CAMTA1: variants seen among roughly 807,000 people sequenced by gnomAD.
The protein encoded by CAMTA1 is calmodulin-binding transcription activator 1.
CAMTA1 carries 27 observed loss-of-function variants against 170.9 expected under a neutral mutation model. The ratio of observed to expected loss-of-function variants is 0.16; its 90% CI spans 0.12 to 0.22. The LOEUF (loss-of-function observed/expected upper bound fraction) is 0.22, where lower values mean the gene tolerates loss of function less well. Ranked by LOEUF, CAMTA1 falls within the 10% of genes least tolerant of loss-of-function variation. The probability of loss-of-function intolerance (pLI) is 1.00; values close to 1 mark genes in which losing one functional copy is unlikely to be tolerated. For synonymous variants in CAMTA1, 833 were observed against 891.5 expected (o/e 0.93, Z 1.17); for missense variants, 1,619 against 2,217.2 (o/e 0.73, Z 5.42).
intron 4 of CAMTA1, among the ~76,000 whole-genome samples, chr1:7,161,642 C>T (rs912179936): frequency 6.6e-6 from 1 of 152,230 alleles, no homozygotes; most frequent in Non-Finnish European, 1.5e-5. Context: ...TTGCCTTTCA[C>T]CTTCTGTCAT....
chr1:6,886,442 C>CAT (rs1396201086), intron 3 of CAMTA1: 1 of 370,428 alleles, frequency 2.7e-6, no homozygotes, highest in East Asian at 7.2e-5. Flanking sequence ...GGAAATAGGC[C>CAT]ATAAATGTCA....
chr1:7,177,475 C>T lies in CAMTA1; in HGVS notation c.303-72016C>T, dbSNP rs554130273. 4.1e-5 allele frequency among the ~76,000 whole-genome samples: 6 copies of T among 146,464 alleles called. No individual in the cohort carries two copies. In the South Asian group the frequency reaches 1.1e-3, roughly 27 times the overall value. The stretch of plus-strand genomic sequence containing the variant: ...GGCCCCTCCCACACCCTGAGGCCCC[C>T]CCACACACACTGAAGCCCCTCCCAC... On this transcript the variant is annotated intron_variant, in intron 4 of 22. Transcript: ENST00000303635.
In CAMTA1 at chr1:7,064,068, T is replaced by C. The variant is rs1038334728; in HGVS notation, c.235-27236T>C. Among the ~76,000 whole-genome samples, 3 of 151,480 alleles carry C rather than the reference T, an allele frequency of 2.0e-5. No homozygotes were observed. The highest frequency in any genetic ancestry group is 7.3e-5 in the African/African-American group (3 of 41,174). Reference sequence around the variant, plus strand: ...ATGGTGGGAGCCTTTGCCTTCACCTTCTCCTCCTCCTCCTCCTCCTTCTTC... The same window carrying C: ...ATGGTGGGAGCCTTTGCCTTCACCTCCTCCTCCTCCTCCTCCTCCTTCTTC... On this transcript the variant is annotated intron_variant, in intron 3 of 22. Coordinates refer to ENST00000303635, the MANE Select transcript of CAMTA1 (RefSeq NM_015215.4). This position sits in a 1 kb window ranked among gnomAD's most constrained non-coding sequence, Gnocchi z 5.4.
chr1:7,576,300 G>A (rs12063837), intron 6 of CAMTA1, among the ~76,000 whole-genome samples: 22,246 of 152,098 alleles, frequency 0.15, 5,287 homozygotes, highest in African/African-American at 0.5. Context: ...GTGAACCACC[G>A]TGCCAGGCCA....
At chr1:7,122,253 T>C (rs1448929575) in intron 4 of CAMTA1, among the ~76,000 whole-genome samples, 1 of 152,082 alleles carries the variant, frequency 6.6e-6, no homozygotes, top group East Asian at 1.9e-4. Flanking sequence ...GTCTTCCTCT[T>C]GCCCCCGCCT....
At chr1:7,727,713 G>A (rs982443168) in intron 11 of CAMTA1, among the ~76,000 whole-genome samples, 1 of 152,186 alleles carries the variant, frequency 6.6e-6, no homozygotes, top group African/African-American at 2.4e-5. Flanking sequence ...CTCTCAATTT[G>A]CCAAATATTT....
intron 22 of CAMTA1, among the ~76,000 whole-genome samples, chr1:7,758,763 G>A (rs566610831): frequency 6.6e-6 from 1 of 151,972 alleles, no homozygotes; most frequent in East Asian, 1.9e-4. Flanking sequence ...GTGAAACCCC[G>A]TCTCTACTGA....
intron 3 of CAMTA1, among the ~76,000 whole-genome samples, chr1:6,951,393 A>G (rs572098140): frequency 6.6e-6 from 1 of 152,206 alleles, no homozygotes; most frequent in Non-Finnish European, 1.5e-5. Flanking sequence ...ACTATTCCAT[A>G]TCTCACAGGG....
intron 3 of CAMTA1, among the ~76,000 whole-genome samples, chr1:7,048,298 GA>G (rs1705738246): frequency 6.6e-6 from 1 of 152,112 alleles, no homozygotes; most frequent in South Asian, 2.1e-4. Context: ...AGGGGAAAAA[GA>G]GTCACTCCAA....
chr1:7,583,603 T>C (rs2150412728), intron 6 of CAMTA1, among the ~76,000 whole-genome samples: 1 of 152,154 alleles, frequency 6.6e-6, no homozygotes, highest in African/African-American at 2.4e-5. Context: ...GCTCTGAGCA[T>C]TTCTGCCAGG....
At chr1:7,226,692 C>A (rs189363831) in intron 4 of CAMTA1, among the ~76,000 whole-genome samples, 1 of 152,090 alleles carries the variant, frequency 6.6e-6, no homozygotes, top group South Asian at 2.1e-4. Flanking sequence ...ACCATGCATT[C>A]CATTTTGCAA....
At chr1:7,393,420 C>A (rs887479307) in intron 5 of CAMTA1, among the ~76,000 whole-genome samples, 1 of 152,118 alleles carries the variant, frequency 6.6e-6, no homozygotes, top group Non-Finnish European at 1.5e-5. Flanking sequence ...CATGCACCAC[C>A]ACACCCAGCT....
intron 5 of CAMTA1, among the ~76,000 whole-genome samples, chr1:7,377,551 A>G (rs576459066): frequency 1.3e-5 from 2 of 152,332 alleles, no homozygotes; most frequent in South Asian, 4.1e-4. Flanking sequence ...GGATCTGTTT[A>G]GGTCCTCTGA....
rs555233239 is a variant in CAMTA1 at position 6,798,553 on chromosome 1, G to A, written c.45+12978G>A. On this transcript the variant is annotated intron_variant, in intron 1 of 22. Coordinates refer to ENST00000303635, the MANE Select transcript of CAMTA1 (RefSeq NM_015215.4). The stretch of plus-strand genomic sequence containing the variant: ...CTGCCTCAGCCTCTTGGGTAGCTGG[G>A]ACCACAGGCGCCCACCACCACACCT... Among the ~76,000 whole-genome samples, 77 of 151,014 alleles carry A rather than the reference G, an allele frequency of 5.1e-4. 1 individual carries two copies. Among genetic ancestry groups the A allele is most frequent in the African/African-American group, 1.8e-3 (74 of 41,078 alleles).
intron 5 of CAMTA1, among the ~76,000 whole-genome samples, chr1:7,410,276 G>A (rs2149254244): frequency 6.6e-6 from 1 of 152,356 alleles, no homozygotes; most frequent in Non-Finnish European, 1.5e-5. Context: ...AAAGACGTGG[G>A]CATGAGCCCC....
chr1:6,841,216 G>A (rs1655562201), intron 3 of CAMTA1, among the ~76,000 whole-genome samples: 3 of 152,080 alleles, frequency 2.0e-5, no homozygotes, highest in Admixed American at 1.3e-4. Context: ...TAATTACGCC[G>A]AGTCCACCTG....
chr1:7,737,404 G>A lies in CAMTA1; in HGVS notation c.3492G>A (p.Glu1164=). 6.2e-7 allele frequency: 1 copy of A among 1,614,238 alleles called. No homozygotes were observed. The highest frequency in any genetic ancestry group is 8.5e-7 in the Non-Finnish European group (1 of 1,180,052). Residue 1164 remains glutamate, a synonymous_variant, in exon 15 of 23, where the codon GAG becomes GAA. Coordinates refer to ENST00000303635, the MANE Select transcript of CAMTA1 (RefSeq NM_015215.4). ...RGHVKLAECL[E]HLQRDEQAQL... Reference sequence around the variant, plus strand: ...ATGTGAAATTAGCAGAGTGTCTGGAGCACCTGCAGAGAGATGAGCAGGCTC... The same window carrying A: ...ATGTGAAATTAGCAGAGTGTCTGGAACACCTGCAGAGAGATGAGCAGGCTC...
At chr1:6,830,894 C>T (rs758088628) in intron 3 of CAMTA1, among the ~76,000 whole-genome samples, 3 of 152,126 alleles carry the variant, frequency 2.0e-5, no homozygotes, top group Non-Finnish European at 4.4e-5. Context: ...TCTCGGCTCA[C>T]TGCAAGCTCC....
intron 6 of CAMTA1, among the ~76,000 whole-genome samples, chr1:7,484,351 C>T (rs1175063883): frequency 6.6e-6 from 1 of 152,240 alleles, no homozygotes; most frequent in African/African-American, 2.4e-5. Context: ...TGGGTGTTCA[C>T]ACTGACCTGG....
Sources: allele counts gnomAD v4.1 joint callset (sites outside exome capture counted in the v4.1 genomes callset), GRCh38; gene constraint gnomAD v4.1.1; non-coding constraint Gnocchi (gnomAD v3.1); transcripts MANE v1.5; gene names NCBI Gene and HGNC (gene_info 2026-07-23, HGNC 2026-07-21).